The following SLC5A9 variants were observed in gnomAD, a reference collection of about 807,000 sequenced individuals.
The protein encoded by SLC5A9 is sodium/glucose cotransporter 4.
A neutral mutation model predicts 70.9 loss-of-function variants in SLC5A9; 59 were observed. The ratio of observed to expected loss-of-function variants is 0.83; its 90% confidence interval spans 0.68 to 1.03. The LOEUF (loss-of-function observed/expected upper bound fraction) is 1.03, where lower values mean the gene tolerates loss of function less well. Among genes scored for constraint, SLC5A9 ranks in the 50% least tolerant of loss-of-function variants. The pLI is 0.00. For missense variants in SLC5A9, 832 were observed against 881.1 expected, an observed-to-expected ratio of 0.94 and a Z score of 0.71; for synonymous variants, 340 against 346.5, an observed-to-expected ratio of 0.98 and a Z score of 0.21.
At chr1:48,235,916 C>T (rs755845922) in intron 10 of SLC5A9, 37 bp downstream of exon 10, 13 of 1,613,076 alleles carry the variant, frequency 8.1e-6, no homozygotes, top group Admixed American at 3.3e-5. Flanking sequence ...CCGAAGTGCC[C>T]TCTCCCCTCT....
intron 13 of SLC5A9, among the ~76,000 whole-genome samples, chr1:48,246,034 G>A (rs1644456855): frequency 6.6e-6 from 1 of 151,486 alleles, no homozygotes; most frequent in African/African-American, 2.4e-5. Context: ...GAGTAGATCT[G>A]AAAGAAATAT....
chr1:48,223,793 A>C (rs1340378084), intron 1 of SLC5A9, among the ~76,000 whole-genome samples: 1 of 152,148 alleles, frequency 6.6e-6, no homozygotes, highest in Non-Finnish European at 1.5e-5. Flanking sequence ...GAATTGGGCT[A>C]ACAGATGGTC....
intron 1 of SLC5A9, 83 bp downstream of exon 1, chr1:48,222,981 G>A: frequency 6.9e-7 from 1 of 1,453,340 alleles, no homozygotes; most frequent in Non-Finnish European, 9.5e-7. Context: ...CTGGGGCAGG[G>A]CTAGGCAGAA....
chr1:48,227,395 A>G (rs1203378996), intron 2 of SLC5A9, among the ~76,000 whole-genome samples: 7 of 76,570 alleles, frequency 9.1e-5, no homozygotes, highest in Admixed American at 1.6e-4. Context: ...GTGTGTGTGT[A>G]CTGTGCCTGT....
intron 12 of SLC5A9, chr1:48,240,571 T>C (rs1445145953): frequency 6.6e-6 from 1 of 152,264 alleles, no homozygotes; most frequent in Non-Finnish European, 1.5e-5. Context: ...CACTGATTCC[T>C]ACAAAAAAGC....
chr1:48,224,276 C>T (rs1352668710), intron 1 of SLC5A9, among the ~76,000 whole-genome samples: 1 of 152,192 alleles, frequency 6.6e-6, no homozygotes, highest in Admixed American at 6.5e-5. Flanking sequence ...CAAAGTCTCA[C>T]AGTCAAACTG....
intron 12 of SLC5A9, chr1:48,241,979 C>T: frequency 2.2e-6 from 1 of 456,420 alleles, no homozygotes; most frequent in Non-Finnish European, 4.4e-6. Context: ...TTACAACATC[C>T]TCCAGGCTGG....
chr1:48,233,360 C>CAAAAAAAAA (rs1157245912), intron 8 of SLC5A9, among the ~76,000 whole-genome samples: 2 of 58,720 alleles, frequency 3.4e-5, no homozygotes, highest in Admixed American at 2.7e-4. Flanking sequence ...GACTCCATCT[C>CAAAAAAAAA]AAAAAAAAAA....
chr1:48,244,417 A>C (rs1333139907), intron 13 of SLC5A9, among the ~76,000 whole-genome samples: 1 of 151,984 alleles, frequency 6.6e-6, no homozygotes, highest in African/African-American at 2.4e-5. Context: ...GAGGCCCTTC[A>C]CCTTTGCTTA....
Position 48,228,936 on chromosome 1 carries a change from A to G in SLC5A9, c.321A>G (p.Val107=), listed in dbSNP as rs2148568029. The G allele has an allele frequency of 6.2e-7, 1 of 1,613,054 alleles. No homozygotes were observed. Among genetic ancestry groups the G allele is most frequent in the Non-Finnish European group, 8.5e-7 (1 of 1,179,736 alleles). ...CAGGGGCTGCCGGAGGCCTTGCCGT[A>G]GGTGGCTTCGAGTGGAACGTAAGGA... ...AGTGAAGGLA[V]GGFEWNATWL... Residue 107 remains valine, a synonymous_variant, in exon 3 of 14, where the codon GTA becomes GTG. Coordinates refer to ENST00000438567, the MANE Select transcript of SLC5A9 (RefSeq NM_001011547.3).
At position 48,239,544 on chromosome 1, in the gene SLC5A9, G is replaced by A; in HGVS notation, c.1677+7G>A. On this transcript the variant is annotated splice_region_variant and intron_variant, in intron 12 of 13. Coordinates refer to ENST00000438567, the MANE Select transcript of SLC5A9 (RefSeq NM_001011547.3). The surrounding 1 kb of genome is among the most constrained non-coding windows in gnomAD (Gnocchi z 4.2). ...TCCCATCCCTGAGGAACAGGCAAGT[G>A]TTGTGCTCATACTGAGGCCCTCCAG... 1 of 1,613,620 alleles carries A rather than the reference G, an allele frequency of 6.2e-7. No individual in the cohort carries two copies. Among genetic ancestry groups the A allele is most frequent in the Non-Finnish European group, 8.5e-7 (1 of 1,179,506 alleles).
At chr1:48,224,954 G>A (rs1402671699) in intron 2 of SLC5A9, among the ~76,000 whole-genome samples, 159 bp downstream of exon 2, 2 of 123,238 alleles carry the variant, frequency 1.6e-5, no homozygotes, top group Non-Finnish European at 1.7e-5. Flanking sequence ...GCCCAAACCC[G>A]CCCCGCAACC....
At chr1:48,224,690 T>G in intron 1 of SLC5A9, 34 bp from the exon 2 acceptor site, 5 of 1,608,848 alleles carry the variant, frequency 3.1e-6, no homozygotes, top group Non-Finnish European at 3.4e-6. Context: ...CAGAGAGTCT[T>G]GAGAAATCCT....
chr1:48,227,629 G>C (rs1395285358), intron 2 of SLC5A9, among the ~76,000 whole-genome samples: 1 of 150,928 alleles, frequency 6.6e-6, no homozygotes, highest in Non-Finnish European at 1.5e-5. Flanking sequence ...ATGTGTGAGA[G>C]TGTGTGTGTA....
At chr1:48,232,885 AAAAG>A (rs892428307) in intron 8 of SLC5A9, among the ~76,000 whole-genome samples, 67 of 148,610 alleles carry the variant, frequency 4.5e-4, no homozygotes, top group East Asian at 6.0e-4. Flanking sequence ...AAGAAAAAGA[AAAAG>A]AAAGGAAGGA....
chr1:48,226,339 G>A (rs968464443), intron 2 of SLC5A9, among the ~76,000 whole-genome samples: 3 of 152,132 alleles, frequency 2.0e-5, no homozygotes, highest in Admixed American at 6.5e-5. Context: ...ACAGAGAGCC[G>A]AGCTCTGGCC....
At chr1:48,225,589 A>G (rs1463025873) in intron 2 of SLC5A9, among the ~76,000 whole-genome samples, 1 of 151,988 alleles carries the variant, frequency 6.6e-6, no homozygotes, top group Non-Finnish European at 1.5e-5. Flanking sequence ...ACACCCAGGC[A>G]TGCAAAACTC....
chr1:48,231,782 G>A lies in SLC5A9; in HGVS notation c.691+157G>A, dbSNP rs547903283. On this transcript the variant is annotated intron_variant, in intron 6 of 13. Coordinates refer to ENST00000438567, the MANE Select transcript of SLC5A9 (RefSeq NM_001011547.3). ...GCAGCTCCCAAAGAGCAGGGTTCTC[G>A]CTACTTCAAACCAAGGGTCTTGAGC... 5.8e-5 allele frequency: 87 copies of A among 1,504,204 alleles called. No individual in the cohort carries two copies. In the East Asian group the frequency reaches 1.5e-3, roughly 27 times the overall value. The allele number at this position is 1,504,204 out of a possible 1,614,324, so 93.2% of individuals were successfully genotyped here. A position where few individuals can be genotyped will look rare whatever the true frequency, so the allele number is the denominator to read the frequency against.
chr1:48,235,061 G>A (rs879653398), intron 9 of SLC5A9, among the ~76,000 whole-genome samples: 2 of 152,098 alleles, frequency 1.3e-5, no homozygotes, highest in Non-Finnish European at 2.9e-5. Flanking sequence ...ATCTCCCCAG[G>A]GGTGAGCAGC....
Sources: gnomAD v4.1 joint callset for allele counts (sites outside exome capture counted in the v4.1 genomes callset) on GRCh38, gnomAD v4.1.1 for gene constraint, Gnocchi (gnomAD v3.1) non-coding constraint, MANE v1.5 for transcripts, NCBI Gene and HGNC (gene_info 2026-07-23, HGNC 2026-07-21) for gene names.